Variants in VMP1 observed in about 807,000 individuals in gnomAD.
The protein encoded by VMP1 is vacuole membrane protein 1, also known as ectopic P-granules autophagy protein 3 homolog.
In VMP1, 11 loss-of-function variants were observed where a neutral mutation model predicts 56.0. The ratio of observed to expected loss-of-function variants is 0.20; its 90% CI spans 0.12 to 0.32. The LOEUF (loss-of-function observed/expected upper bound fraction) is 0.32. Ranked by LOEUF, VMP1 falls within the 10% of genes least tolerant of loss-of-function variation. VMP1 has a pLI of 1.00. For missense variants in VMP1, 296 were observed against 490.3 expected (o/e 0.60, Z 3.74); for synonymous variants, 149 against 165.0 (o/e 0.90, Z 0.74).
intron 8 of VMP1, among the ~76,000 whole-genome samples, chr17:59,811,422 T>C (rs1395852324): frequency 6.6e-6 from 1 of 152,144 alleles, no homozygotes; most frequent in Non-Finnish European, 1.5e-5. Flanking sequence ...CCATGAGTAA[T>C]ATAAGCAAAA....
intron 10 of VMP1, among the ~76,000 whole-genome samples, chr17:59,825,764 C>T (rs1029817395): frequency 6.6e-6 from 1 of 152,212 alleles, no homozygotes; most frequent in African/African-American, 2.4e-5. Flanking sequence ...TTTGCTGTCT[C>T]CTATTTCTGA....
intron 10 of VMP1, among the ~76,000 whole-genome samples, chr17:59,835,376 C>T (rs922870019): frequency 6.6e-6 from 1 of 152,194 alleles, no homozygotes; most frequent in Non-Finnish European, 1.5e-5. Flanking sequence ...ATCTGCCCAC[C>T]TCAGCCTCCC....
rs565330559 is a variant in VMP1 at position 59,740,084 on chromosome 17, A to C, written c.414+1137A>C. 3.1e-3 allele frequency among the ~76,000 whole-genome samples: 478 copies of C among 152,134 alleles called. 1 individual carries two copies. The highest frequency in any genetic ancestry group is 0.011 in the African/African-American group (458 of 41,492). On this transcript the variant is annotated intron_variant, in intron 5 of 11. Coordinates refer to ENST00000262291, the MANE Select transcript of VMP1 (RefSeq NM_030938.5). ...AGAGCAAGACTCCGTCTCAAAAAAA[A>C]AAAAAGAAAAAGAAAAAGAAATAAG...
rs541728305 is a variant in VMP1, at chr17:59,740,890, T to C, written c.414+1943T>C. On this transcript the variant is annotated intron_variant, in intron 5 of 11. Coordinates refer to ENST00000262291, the MANE Select transcript of VMP1 (RefSeq NM_030938.5). ...GGAAGCCTCTGAAAAGCAACCCAGA[T>C]AGCAGACTCTGCTGAATGTCAAAAG... 7.2e-5 allele frequency among the ~76,000 whole-genome samples: 11 copies of C among 152,312 alleles called. No homozygotes were observed. The East Asian group carries it at 2.1e-3, about 29-fold the overall frequency.
At chr17:59,775,845 T>A (rs1280252136) in intron 7 of VMP1, among the ~76,000 whole-genome samples, 1 of 152,188 alleles carries the variant, frequency 6.6e-6, no homozygotes, top group Non-Finnish European at 1.5e-5. Context: ...TGTATCAGCC[T>A]CTATCTCAGT....
In VMP1 at chr17:59,750,992, G is replaced by GTGCAA. The variant is rs534134164; in HGVS notation, c.414+12047_414+12051dup. On this transcript the variant is annotated intron_variant, in intron 5 of 11. Coordinates refer to ENST00000262291, the MANE Select transcript of VMP1 (RefSeq NM_030938.5). ...CTGTCACCCAGGCTGGAGTACAGTG[G>GTGCAA]TGCAATCTTAGCTCACTGCAAACCC... Among the ~76,000 whole-genome samples, 76 of 145,602 alleles carry GTGCAA rather than the reference G, an allele frequency of 5.2e-4. 1 individual carries two copies. In the South Asian group the frequency reaches 0.017, roughly 32 times the overall value.
chr17:59,822,577 G>A (rs879339222), intron 10 of VMP1, among the ~76,000 whole-genome samples: 3 of 151,656 alleles, frequency 2.0e-5, no homozygotes, highest in East Asian at 1.9e-4. Context: ...CACCTGCCTC[G>A]GCCCACCAAA....
intron 10 of VMP1, among the ~76,000 whole-genome samples, chr17:59,832,836 C>T (rs2038861716): frequency 6.8e-6 from 1 of 146,210 alleles, no homozygotes; most frequent in Non-Finnish European, 1.5e-5. Context: ...GTCTCGAACT[C>T]CTGACCTCAG....
chr17:59,805,294 C>G (rs923779365), intron 7 of VMP1, among the ~76,000 whole-genome samples: 12 of 152,164 alleles, frequency 7.9e-5, no homozygotes, highest in African/African-American at 2.9e-4. Context: ...CAAAGATACT[C>G]TTCCCTAAAA....
intron 7 of VMP1, among the ~76,000 whole-genome samples, chr17:59,792,154 G>A (rs904640249): frequency 1.3e-5 from 2 of 152,124 alleles, no homozygotes; most frequent in Non-Finnish European, 2.9e-5. Flanking sequence ...GCATGCAACT[G>A]TAGTCCCAGT....
intron 10 of VMP1, among the ~76,000 whole-genome samples, chr17:59,828,116 GT>G (rs1230157910): frequency 6.6e-6 from 1 of 151,830 alleles, no homozygotes; most frequent in Non-Finnish European, 1.5e-5. Context: ...CAACCAATCA[GT>G]TTTACCTAGT....
chr17:59,726,925 G>A (rs956363489), intron 1 of VMP1, among the ~76,000 whole-genome samples: 2 of 152,120 alleles, frequency 1.3e-5, no homozygotes, highest in African/African-American at 4.8e-5. Context: ...TGTGAGCTCC[G>A]ATAGTGCTTT....
At chr17:59,739,091 A>T in intron 5 of VMP1, 144 bp downstream of exon 5, 1 of 596,608 alleles carries the variant, frequency 1.7e-6, no homozygotes. Context: ...CAGTGCTTTA[A>T]GTTTGACTTA....
chr17:59,778,844 A>G (rs1173942145), intron 7 of VMP1, among the ~76,000 whole-genome samples: 2 of 152,204 alleles, frequency 1.3e-5, no homozygotes, highest in Admixed American at 1.3e-4. Flanking sequence ...AGTACAAACC[A>G]TAGGTCGAAT....
intron 1 of VMP1, among the ~76,000 whole-genome samples, chr17:59,724,697 T>G (rs889626909): frequency 9.2e-5 from 14 of 152,142 alleles, no homozygotes; most frequent in Admixed American, 3.9e-4. Flanking sequence ...CAGGGCACGG[T>G]GGCTCACGCC....
Position 59,743,580 on chromosome 17 carries a change from CTA to C in VMP1, c.414+4645_414+4646del, listed in dbSNP as rs1194117956. 3.7e-4 allele frequency among the ~76,000 whole-genome samples: 55 copies of C among 146,856 alleles called. 1 individual carries two copies. In the South Asian group the frequency reaches 7.2e-3, roughly 19 times the overall value. ...AACTGCTCTCTCTCTCTCTCTCTCTCTATATATATATATGCTATATTATATAT... is the reference window on the plus strand; with the variant it reads ...AACTGCTCTCTCTCTCTCTCTCTCTCTATATATATATGCTATATTATATAT... On this transcript the variant is annotated intron_variant, in intron 5 of 11. Coordinates refer to ENST00000262291, the MANE Select transcript of VMP1 (RefSeq NM_030938.5).
At chr17:59,756,557 A>C (rs1471631873) in intron 5 of VMP1, among the ~76,000 whole-genome samples, 2 of 152,198 alleles carry the variant, frequency 1.3e-5, no homozygotes, top group South Asian at 2.1e-4. Flanking sequence ...CTATGAATTG[A>C]CATTACAGAT....
intron 7 of VMP1, among the ~76,000 whole-genome samples, chr17:59,783,278 A>G (rs963329757): frequency 6.6e-6 from 1 of 152,218 alleles, no homozygotes. Flanking sequence ...ATGTCGTACT[A>G]TAGATGTTTT....
intron 5 of VMP1, among the ~76,000 whole-genome samples, chr17:59,739,871 C>T (rs1313197313): frequency 6.6e-6 from 1 of 150,998 alleles, no homozygotes; most frequent in Non-Finnish European, 1.5e-5. Context: ...GTCAGGAGAT[C>T]GAGACCATCC....
Sources: allele counts gnomAD v4.1 joint callset (sites outside exome capture counted in the v4.1 genomes callset), GRCh38; gene constraint gnomAD v4.1.1; transcripts MANE v1.5; gene names NCBI Gene and HGNC (gene_info 2026-07-23, HGNC 2026-07-21).